PARD3B: variants seen among roughly 807,000 people sequenced by gnomAD.
The protein encoded by PARD3B is par-3 family cell polarity regulator beta.
A neutral mutation model predicts 130.2 loss-of-function variants in PARD3B; 103 were observed. That is an observed-to-expected ratio of 0.79 (90% CI 0.67 to 0.93). The LOEUF is 0.93. Among genes scored for constraint, PARD3B ranks in the 40% least tolerant of loss-of-function variants. The pLI, the probability that PARD3B is intolerant of heterozygous loss-of-function variation, is 0.00. For missense variants in PARD3B, 1,609 were observed against 1,499.2 expected (o/e 1.07, Z -1.21); for synonymous variants, 583 against 553.2 (o/e 1.05, Z -0.76).
chr2:204,850,497 T>TATGTATATATATATAGATAG (rs2044663169), intron 2 of PARD3B, among the ~76,000 whole-genome samples: 1 of 151,842 alleles, frequency 6.6e-6, no homozygotes, highest in African/African-American at 2.4e-5. Context: ...TATATAGATA[T>TATGTATATATATATAGATAG]ATGTATATAT....
At chr2:205,094,275 G>T (rs1702276046) in intron 4 of PARD3B, among the ~76,000 whole-genome samples, 1 of 152,190 alleles carries the variant, frequency 6.6e-6, no homozygotes, top group Admixed American at 6.5e-5. Flanking sequence ...AAATGATTGT[G>T]TAGGAAGATA....
At chr2:204,866,203 G>T (rs911772438) in intron 2 of PARD3B, among the ~76,000 whole-genome samples, 6 of 152,146 alleles carry the variant, frequency 3.9e-5, no homozygotes, top group Admixed American at 3.9e-4. Context: ...TCAAGATGTG[G>T]CATGGTAGAA....
chr2:205,512,153 G>A (rs1305909878), intron 21 of PARD3B, among the ~76,000 whole-genome samples: 3 of 152,086 alleles, frequency 2.0e-5, no homozygotes, highest in African/African-American at 7.2e-5. Context: ...CGATTGTAAC[G>A]ACACATACTA....
chr2:204,861,392 A>T (rs1204323482), intron 2 of PARD3B, among the ~76,000 whole-genome samples: 2 of 152,170 alleles, frequency 1.3e-5, no homozygotes, highest in African/African-American at 2.4e-5. Context: ...TTTAAATGAA[A>T]TTTAAAGTGG....
intron 4 of PARD3B, among the ~76,000 whole-genome samples, chr2:205,061,875 C>T (rs541496825): frequency 1.3e-5 from 2 of 151,216 alleles, no homozygotes; most frequent in South Asian, 2.1e-4. Context: ...CCCTGGCTTT[C>T]TTCTCTTGAT....
intron 11 of PARD3B, among the ~76,000 whole-genome samples, chr2:205,163,925 T>C (rs1420237977): frequency 6.6e-6 from 1 of 152,240 alleles, no homozygotes; most frequent in African/African-American, 2.4e-5. Context: ...GGATCCTTAC[T>C]GGTAGTCAGT....
intron 3 of PARD3B, among the ~76,000 whole-genome samples, chr2:204,974,090 G>A (rs959765628): frequency 6.6e-6 from 1 of 152,118 alleles, no homozygotes; most frequent in Admixed American, 6.5e-5. Context: ...GAAAATACCA[G>A]TAACTTTCTA....
At chr2:204,590,758 C>A (rs1194817906) in intron 1 of PARD3B, among the ~76,000 whole-genome samples, 1 of 152,200 alleles carries the variant, frequency 6.6e-6, no homozygotes, top group Non-Finnish European at 1.5e-5. Flanking sequence ...GTTGAAGTCT[C>A]TGTTCATCTG....
chr2:205,176,654 A>AAG lies in PARD3B; in HGVS notation c.1924+78_1924+79insGA. 1 of 1,411,798 alleles carries AAG rather than the reference A, an allele frequency of 7.1e-7. No individual in the cohort carries two copies. Among genetic ancestry groups the AAG allele is most frequent in the Non-Finnish European group, 9.5e-7 (1 of 1,056,190 alleles). The allele number at this position is 1,411,798 out of a possible 1,614,324, so 87.5% of individuals were successfully genotyped here. On this transcript the variant is annotated intron_variant, in intron 13 of 22. Transcript: ENST00000406610. The surrounding 1 kb of genome is among the most constrained non-coding windows in gnomAD (Gnocchi z 5.3). ...GTGTCTTTTTATCTAAAAAAAAAAA[A>AAG]AAAGAGTAAAGGGGAGTTAATTAGA...
chr2:204,894,084 A>G (rs934455282), intron 2 of PARD3B, among the ~76,000 whole-genome samples: 3 of 152,016 alleles, frequency 2.0e-5, no homozygotes, highest in African/African-American at 7.2e-5. Flanking sequence ...TTGCCATTTC[A>G]ACTGTGTGGT....
At chr2:205,299,020 A>G (rs578135220) in intron 16 of PARD3B, among the ~76,000 whole-genome samples, 5 of 152,324 alleles carry the variant, frequency 3.3e-5, no homozygotes, top group African/African-American at 1.2e-4. Flanking sequence ...GGATTATAGT[A>G]AGTTACTGTG....
chr2:204,782,243 C>T (rs937653599), intron 2 of PARD3B, among the ~76,000 whole-genome samples: 2 of 151,982 alleles, frequency 1.3e-5, no homozygotes, highest in Non-Finnish European at 1.5e-5. Flanking sequence ...GTCTGCCACA[C>T]TGCATATGCA....
chr2:204,785,939 C>G (rs2041993935), intron 2 of PARD3B, among the ~76,000 whole-genome samples: 1 of 151,734 alleles, frequency 6.6e-6, no homozygotes, highest in Non-Finnish European at 1.5e-5. Flanking sequence ...TGGTGAAACC[C>G]CCATCTCTAC....
chr2:204,899,474 C>T (rs1035477951), intron 2 of PARD3B, among the ~76,000 whole-genome samples: 12 of 151,966 alleles, frequency 7.9e-5, no homozygotes, highest in Non-Finnish European at 1.5e-4. Context: ...CCACTGATTG[C>T]GTAAGCATAC....
intron 2 of PARD3B, among the ~76,000 whole-genome samples, chr2:204,947,645 C>G (rs972541005): frequency 5.1e-5 from 7 of 137,386 alleles, no homozygotes; most frequent in Non-Finnish European, 1.1e-4. Flanking sequence ...TAGAAATTCA[C>G]TGACTTTTTC....
At chr2:204,800,959 T>C (rs1161509337) in intron 2 of PARD3B, among the ~76,000 whole-genome samples, 1 of 152,222 alleles carries the variant, frequency 6.6e-6, no homozygotes. Flanking sequence ...CAGTATTTAT[T>C]AAATAGGGAA....
At chr2:204,977,236 G>A (rs1185862197) in intron 3 of PARD3B, among the ~76,000 whole-genome samples, 1 of 152,094 alleles carries the variant, frequency 6.6e-6, no homozygotes, top group African/African-American at 2.4e-5. Flanking sequence ...TTCAACTCAA[G>A]TATTTACTTT....
At chr2:205,599,729 A>G (rs2054709088) in intron 22 of PARD3B, among the ~76,000 whole-genome samples, 1 of 152,308 alleles carries the variant, frequency 6.6e-6, no homozygotes, top group South Asian at 2.1e-4. Context: ...TTCTGCATTC[A>G]GGTTCCAGTC....
At chr2:204,919,893 C>T (rs955978562) in intron 2 of PARD3B, among the ~76,000 whole-genome samples, 2 of 151,768 alleles carry the variant, frequency 1.3e-5, no homozygotes, top group African/African-American at 4.8e-5. Context: ...TGTGCATCTC[C>T]GAGTTCTCTT....
Sources: gnomAD v4.1 joint callset for allele counts (sites outside exome capture counted in the v4.1 genomes callset) on GRCh38, gnomAD v4.1.1 for gene constraint, Gnocchi (gnomAD v3.1) non-coding constraint, MANE v1.5 for transcripts, NCBI Gene and HGNC (gene_info 2026-07-23, HGNC 2026-07-21) for gene names.